Variants in DCSTAMP observed in about 807,000 individuals in gnomAD.
DCSTAMP encodes dendritic cell-specific transmembrane protein.
DCSTAMP carries 25 observed loss-of-function variants against 33.8 expected under a neutral mutation model. The ratio of observed to expected loss-of-function variants is 0.74; its 90% CI spans 0.54 to 1.03. The LOEUF is 1.03. DCSTAMP is among the 50% of genes least tolerant of loss of function. The probability of loss-of-function intolerance (pLI) is 0.00; values close to 1 mark genes in which losing one functional copy is unlikely to be tolerated. For synonymous variants in DCSTAMP, 245 were observed against 216.7 expected (o/e 1.13, Z -1.15); for missense variants, 531 against 556.8 (o/e 0.95, Z 0.47).
chr8:104,350,084 T>G (rs1037006904), intron 2 of DCSTAMP, among the ~76,000 whole-genome samples: 11 of 152,198 alleles, frequency 7.2e-5, no homozygotes, highest in African/African-American at 2.7e-4. Flanking sequence ...GACTTTCCAG[T>G]ATAATCCAGG....
rs558969955 is a variant in DCSTAMP, at chr8:104,348,607, G to C, written c.55G>C (p.Val19Leu). The change falls in exon 2 of 4, where the codon GTG becomes CTG. Residue 19 changes from valine (V) to leucine (L), a missense_variant. Transcript: ENST00000297581. ...DIFLSLWEIY[V>L]SPRSPGWMDF... ...CTTCCTAAGTCTTTGGGAGATTTACGTGTCTCCAAGAAGCCCCGGATGGAT... is the reference window on the plus strand; with the variant it reads ...CTTCCTAAGTCTTTGGGAGATTTACCTGTCTCCAAGAAGCCCCGGATGGAT... The C allele has an allele frequency of 1.2e-6, 2 of 1,614,042 alleles. No homozygotes were observed. Among genetic ancestry groups the C allele is most frequent in the East Asian group, 2.2e-5 (1 of 44,896 alleles).
intron 2 of DCSTAMP, among the ~76,000 whole-genome samples, chr8:104,351,380 A>G (rs1810460039): frequency 6.6e-6 from 1 of 152,202 alleles, no homozygotes; most frequent in African/African-American, 2.4e-5. Context: ...GGCAAAAATA[A>G]TGCAGGTGAA....
intron 1 of DCSTAMP, among the ~76,000 whole-genome samples, chr8:104,341,997 T>C (rs1176943110): frequency 6.6e-6 from 1 of 152,046 alleles, no homozygotes; most frequent in Non-Finnish European, 1.5e-5. Context: ...AAAGAGAAAT[T>C]ACAGGTTAAA....
rs1350479029 is a variant in DCSTAMP at position 104,356,212 on chromosome 8, CT to C, written c.*15del. ...GACAAGTCATGAGAGACCCCGACTACTCCTCAGCCACATCGCACCAACAATT... is the reference window on the plus strand; with the variant it reads ...GACAAGTCATGAGAGACCCCGACTACCCTCAGCCACATCGCACCAACAATT... On this transcript the variant is annotated 3_prime_UTR_variant, in exon 4 of 4. Transcript: ENST00000297581. 6.2e-7 allele frequency: 1 copy of C among 1,608,068 alleles called. No individual in the cohort carries two copies.
intron 1 of DCSTAMP, 58 bp from the exon 2 acceptor site, chr8:104,348,483 C>T (rs753440222): frequency 1.4e-5 from 21 of 1,520,914 alleles, no homozygotes; most frequent in Admixed American, 2.1e-5. Flanking sequence ...ATGGCCTTTA[C>T]GAAGGTCAGA....
intron 1 of DCSTAMP, among the ~76,000 whole-genome samples, chr8:104,347,274 T>G (rs558346743): frequency 2.6e-5 from 4 of 152,310 alleles, no homozygotes; most frequent in African/African-American, 7.2e-5. Context: ...CTTTGTAAGA[T>G]TCTCAGGAGG....
chr8:104,355,618 T>C (rs1810603374), intron 3 of DCSTAMP, among the ~76,000 whole-genome samples: 1 of 151,954 alleles, frequency 6.6e-6, no homozygotes, highest in African/African-American at 2.4e-5. Flanking sequence ...AGAGAGGATA[T>C]ACAAAAATAT....
chr8:104,355,093 C>T lies in DCSTAMP; in HGVS notation c.1246C>T (p.Arg416Cys), dbSNP rs775661354. 1.7e-5 allele frequency: 27 copies of T among 1,613,974 alleles called. No homozygotes were observed. The highest frequency in any genetic ancestry group is 2.2e-5 in the Non-Finnish European group (26 of 1,179,958). The change falls in exon 3 of 4, where the codon CGC becomes TGC. Residue 416 changes from arginine (R) to cysteine (C), a missense_variant. Physicochemically the swap from Arg to Cys is radical, Grantham distance 180. Coordinates refer to ENST00000297581, the MANE Select transcript of DCSTAMP (RefSeq NM_030788.4). ...ASFYPSVERK[R>C]IQYLHAKLLK... ...TTTCTACCCCAGCGTGGAGAGGAAGCGCATCCAATATCTGCATGCAAAGCT... is the reference window on the plus strand; with the variant it reads ...TTTCTACCCCAGCGTGGAGAGGAAGTGCATCCAATATCTGCATGCAAAGCT...
chr8:104,348,813 C>T lies in DCSTAMP; in HGVS notation c.261C>T (p.Leu87=), dbSNP rs774551414. 2.5e-6 allele frequency: 4 copies of T among 1,614,182 alleles called. No individual in the cohort carries two copies. The highest frequency in any genetic ancestry group is 3.4e-6 in the Non-Finnish European group (4 of 1,180,036). The change falls in exon 2 of 4, where the codon CTC becomes CTT. Residue 87 remains leucine, a synonymous_variant. Transcript: ENST00000297581. ...GATGTTTTATTCTTCTTGTCTTTCT[C>T]TCTTGTGGCCTGCGTGAAGGCAGGA... ...HARCFILLVF[L]SCGLREGRNA...
intron 1 of DCSTAMP, among the ~76,000 whole-genome samples, chr8:104,346,413 C>T (rs1039225785): frequency 2.0e-5 from 3 of 152,204 alleles, no homozygotes; most frequent in African/African-American, 7.2e-5. Context: ...TCTGTAATGC[C>T]AGGGAAGGTT....
intron 1 of DCSTAMP, among the ~76,000 whole-genome samples, chr8:104,343,295 A>T (rs1477838635): frequency 6.6e-6 from 1 of 152,222 alleles, no homozygotes; most frequent in Non-Finnish European, 1.5e-5. Context: ...CTACAATAGT[A>T]CAGGGTTAGA....
chr8:104,354,538 C>T (rs1478550476), intron 2 of DCSTAMP, among the ~76,000 whole-genome samples: 2 of 152,162 alleles, frequency 1.3e-5, no homozygotes, highest in Non-Finnish European at 2.9e-5. Flanking sequence ...TAAAAGATTC[C>T]TCTGCCTACT....
intron 1 of DCSTAMP, among the ~76,000 whole-genome samples, chr8:104,343,653 G>GAGAGACA (rs1419692955): frequency 1.3e-5 from 2 of 152,212 alleles, no homozygotes; most frequent in Admixed American, 1.3e-4. Flanking sequence ...TTGTCTAAGA[G>GAGAGACA]AGAGACAAGA....
At chr8:104,348,497 C>T (rs1313725984) in intron 1 of DCSTAMP, 44 bp from the exon 2 acceptor site, 40 of 1,559,646 alleles carry the variant, frequency 2.6e-5, no homozygotes, top group African/African-American at 4.1e-5. Flanking sequence ...GGTCAGAGGA[C>T]ATTCAAAAGT....
Position 104,356,214 on chromosome 8 carries a change from C to A in DCSTAMP, c.*16C>A. The stretch of plus-strand genomic sequence containing the variant: ...CAAGTCATGAGAGACCCCGACTACT[C>A]CTCAGCCACATCGCACCAACAATTC... On this transcript the variant is annotated 3_prime_UTR_variant, in exon 4 of 4. Coordinates refer to ENST00000297581, the MANE Select transcript of DCSTAMP (RefSeq NM_030788.4). 6.2e-7 allele frequency: 1 copy of A among 1,607,506 alleles called. No individual in the cohort carries two copies. The highest frequency in any genetic ancestry group is 8.5e-7 in the Non-Finnish European group (1 of 1,177,162).
chr8:104,349,189 A>G lies in DCSTAMP; in HGVS notation c.637A>G (p.Lys213Glu), dbSNP rs1810397408. Residue 213 changes from lysine to glutamate, a missense_variant, in exon 2 of 4, where the codon AAG (lysine) becomes GAG (glutamate). Transcript: ENST00000297581. ...AGAGGTGTTGTCCTCCCTGGGTCAG[A>G]AGCTACTTGCCTTTGCAGGGCTTTC... The part of the protein sequence containing the change: ...TTEVLSSLGQ[K>E]LLAFAGLSLV... 1 of 1,614,106 alleles carries G rather than the reference A, an allele frequency of 6.2e-7. No homozygotes were observed. Among genetic ancestry groups the G allele is most frequent in the Admixed American group, 1.7e-5 (1 of 60,008 alleles).
At chr8:104,346,748 A>T (rs544462363) in intron 1 of DCSTAMP, among the ~76,000 whole-genome samples, 23 of 152,302 alleles carry the variant, frequency 1.5e-4, no homozygotes, top group African/African-American at 5.5e-4. Context: ...TGGTGGAGAA[A>T]TTTACACATG....
chr8:104,343,453 G>A (rs1398334898), intron 1 of DCSTAMP, among the ~76,000 whole-genome samples: 2 of 152,190 alleles, frequency 1.3e-5, no homozygotes, highest in Non-Finnish European at 2.9e-5. Flanking sequence ...GGTGACTCAG[G>A]ACCAACTGGA....
chr8:104,354,960 C>T lies in DCSTAMP; in HGVS notation c.1113C>T (p.Phe371=). 1 of 1,613,760 alleles carries T rather than the reference C, an allele frequency of 6.2e-7. No homozygotes were observed. Among genetic ancestry groups the T allele is most frequent in the Non-Finnish European group, 8.5e-7 (1 of 1,179,642 alleles). ...FEPNCIPKPK[F]LLSETWVPLS... is the part of the protein sequence containing the mutation. ...CCAACTGTATCCCAAAACCAAAATT[C>T]CTTCTATCTGAGACCTGGGTTCCTC... is the stretch of plus-strand genomic sequence containing the variant. Residue 371 remains phenylalanine, a synonymous_variant, in exon 3 of 4, where the codon TTC becomes TTT. Transcript: ENST00000297581.
Sources: allele counts gnomAD v4.1 joint callset (sites outside exome capture counted in the v4.1 genomes callset), GRCh38; gene constraint gnomAD v4.1.1; transcripts MANE v1.5; gene names NCBI Gene and HGNC (gene_info 2026-07-23, HGNC 2026-07-21).